ZNF420: variants seen among roughly 807,000 people sequenced by gnomAD.
ZNF420 encodes the protein zinc finger protein 420.
A neutral mutation model predicts 44.7 loss-of-function variants in ZNF420; 31 were observed. The ratio of observed to expected loss-of-function variants is 0.69; its 90% CI spans 0.52 to 0.94. The LOEUF (loss-of-function observed/expected upper bound fraction) is 0.94, where lower values mean the gene tolerates loss of function less well. Ranked by LOEUF, ZNF420 falls within the 40% of genes least tolerant of loss-of-function variation. ZNF420 has a pLI of 0.00. For synonymous variants in ZNF420, 245 were observed against 267.4 expected (o/e 0.92, Z 0.82); for missense variants, 681 against 827.9 (o/e 0.82, Z 2.18).
At chr19:37,051,197 T>C (rs1357038361) in intron 1 of ZNF420, among the ~76,000 whole-genome samples, 2 of 152,216 alleles carry the variant, frequency 1.3e-5, no homozygotes, top group Non-Finnish European at 2.9e-5. Flanking sequence ...TTGTTGTGTC[T>C]CTGCCAGGCT....
At chr19:37,010,581 G>GGTGTGCGTGT (rs1162169600) in intron 1 of ZNF420, among the ~76,000 whole-genome samples, 5 of 151,842 alleles carry the variant, frequency 3.3e-5, no homozygotes, top group African/African-American at 1.2e-4. Flanking sequence ...TGTGTGTGCC[G>GGTGTGCGTGT]GTGTGCGTGT....
chr19:37,079,926 G>A (rs1249147585), intron 1 of ZNF420, among the ~76,000 whole-genome samples: 18 of 152,048 alleles, frequency 1.2e-4, no homozygotes, highest in Admixed American at 1.2e-3. Context: ...CCCGGGAGGC[G>A]GAGGTTGCAG....
chr19:37,071,887 A>T (rs1286852583), intron 1 of ZNF420, among the ~76,000 whole-genome samples: 1 of 152,214 alleles, frequency 6.6e-6, no homozygotes, highest in East Asian at 1.9e-4. Flanking sequence ...CATATACTTC[A>T]TAAATATTAT....
intron 1 of ZNF420, among the ~76,000 whole-genome samples, chr19:37,051,015 G>T (rs949692104): frequency 6.6e-6 from 1 of 152,146 alleles, no homozygotes; most frequent in Non-Finnish European, 1.5e-5. Context: ...TTATATGCTG[G>T]ATTACATTTA....
At chr19:37,113,199 T>C (rs139814295) in intron 4 of ZNF420, among the ~76,000 whole-genome samples, 2 of 152,374 alleles carry the variant, frequency 1.3e-5, no homozygotes, top group African/African-American at 4.8e-5. Flanking sequence ...TTTTCCTTTT[T>C]TACCTCTTGG....
exon 1 of ZNF420, chr19:37,007,984 A>C (rs1355514395): frequency 5.9e-6 from 1 of 169,716 alleles, no homozygotes; most frequent in Non-Finnish European, 1.3e-5. Flanking sequence ...TCCGAATGCC[A>C]GGAGTCGCAG....
At chr19:37,124,531 C>T (rs758682583) in intron 4 of ZNF420, among the ~76,000 whole-genome samples, 53 of 152,174 alleles carry the variant, frequency 3.5e-4, no homozygotes, top group Admixed American at 7.9e-4. Context: ...CTCTTTTTTA[C>T]CATAGTTACA....
intron 1 of ZNF420, among the ~76,000 whole-genome samples, chr19:37,029,547 T>A (rs1967215532): frequency 6.6e-6 from 1 of 151,858 alleles, no homozygotes; most frequent in Non-Finnish European, 1.5e-5. Context: ...TTCTTTTTTT[T>A]CTTTTACTTT....
chr19:37,083,375 G>A (rs1968580551), intron 2 of ZNF420, among the ~76,000 whole-genome samples: 1 of 152,076 alleles, frequency 6.6e-6, no homozygotes, highest in Admixed American at 6.6e-5. Flanking sequence ...TATAAAGGGA[G>A]CCATCCTTTC....
In ZNF420 at chr19:37,089,144, T is replaced by G; in HGVS notation, c.9+17T>G. 6.2e-7 allele frequency: 1 copy of G among 1,609,584 alleles called. No homozygotes were observed. The highest frequency in any genetic ancestry group is 8.5e-7 in the Non-Finnish European group (1 of 1,175,864). ...ATGGCTCGGGTAAATTGGAGTTTCC[T>G]TGTGCTCTTTTCACTTACTTTTTTA... On this transcript the variant is annotated intron_variant, in intron 3 of 4. Coordinates refer to ENST00000337995, the MANE Select transcript of ZNF420 (RefSeq NM_144689.5).
rs931132398 is a variant in ZNF420, at chr19:37,080,386, A to G, written c.-83A>G. The G allele has an allele frequency of 6.6e-6, 1 of 152,670 alleles. No homozygotes were observed. The highest frequency in any genetic ancestry group is 1.5e-5 in the Non-Finnish European group (1 of 68,046). The allele number at this position is 152,670 out of a possible 1,614,324, so 9.5% of individuals were successfully genotyped here. On this transcript the variant is annotated splice_region_variant and 5_prime_UTR_variant, in exon 2 of 5. Transcript: ENST00000337995. ...AATGGCTGTTTCAGTAGCAATGTCC[A>G]AGGTGAGTATTTCCTCTTTGTTTCC...
intron 4 of ZNF420, among the ~76,000 whole-genome samples, chr19:37,093,308 C>A (rs1192190751): frequency 6.6e-6 from 1 of 152,120 alleles, no homozygotes; most frequent in Non-Finnish European, 1.5e-5. Context: ...CTGCAACCTC[C>A]TTCTCCTGGG....
At chr19:37,019,968 A>G (rs577426276) in intron 1 of ZNF420, among the ~76,000 whole-genome samples, 1 of 152,252 alleles carries the variant, frequency 6.6e-6, no homozygotes, top group African/African-American at 2.4e-5. Flanking sequence ...CTGTAATCTC[A>G]GCACTTTGGG....
At chr19:37,046,541 T>C (rs988017677) in intron 1 of ZNF420, among the ~76,000 whole-genome samples, 2 of 152,060 alleles carry the variant, frequency 1.3e-5, no homozygotes, top group Admixed American at 6.6e-5. Flanking sequence ...AATAAAACAA[T>C]TTTTTTAAAG....
At chr19:37,081,956 CATAAT>C (rs1968489769) in intron 2 of ZNF420, among the ~76,000 whole-genome samples, 1 of 152,082 alleles carries the variant, frequency 6.6e-6, no homozygotes, top group African/African-American at 2.4e-5. Flanking sequence ...CCTTGTCCCT[CATAAT>C]ATTCTTTGCT....
chr19:37,068,868 C>T (rs930256250), intron 1 of ZNF420, among the ~76,000 whole-genome samples: 21 of 152,026 alleles, frequency 1.4e-4, no homozygotes, highest in African/African-American at 5.1e-4. Context: ...ATAAAGTGAT[C>T]ACTAACTGCA....
intron 1 of ZNF420, among the ~76,000 whole-genome samples, chr19:37,052,120 CCTT>C (rs1342727263): frequency 7.9e-5 from 12 of 152,054 alleles, no homozygotes; most frequent in Non-Finnish European, 1.5e-5. Context: ...TATGTAATGG[CCTT>C]CTTTGTCTCT....
chr19:37,108,609 G>A (rs561332183), intron 4 of ZNF420, among the ~76,000 whole-genome samples: 165 of 152,232 alleles, frequency 1.1e-3, no homozygotes, highest in African/African-American at 3.9e-3. Context: ...ATTCTAATGC[G>A]GTATGAGGCC....
chr19:37,097,293 ATATAT>A (rs1196348718), intron 4 of ZNF420, among the ~76,000 whole-genome samples: 1 of 144,840 alleles, frequency 6.9e-6, no homozygotes, highest in Non-Finnish European at 1.5e-5. Flanking sequence ...TAATACTGAT[ATATAT>A]TATATATGAG....
Sources: gnomAD v4.1 joint callset for allele counts (sites outside exome capture counted in the v4.1 genomes callset) on GRCh38, gnomAD v4.1.1 for gene constraint, MANE v1.5 for transcripts, NCBI Gene and HGNC (gene_info 2026-07-23, HGNC 2026-07-21) for gene names.